ASIP: variants seen among roughly 807,000 people sequenced by gnomAD.
The protein encoded by ASIP is agouti-signaling protein.
A neutral mutation model predicts 10.3 loss-of-function variants in ASIP; 11 were observed. The ratio of observed to expected loss-of-function variants is 1.07; its 90% CI spans 0.68 to 1.78. ASIP has a LOEUF of 1.78. Ranked by LOEUF, ASIP falls within the 40% of genes most tolerant of loss-of-function variation. The pLI, the probability that ASIP is intolerant of heterozygous loss-of-function variation, is 0.00. For synonymous variants in ASIP, 70 were observed against 70.8 expected (o/e 0.99, Z 0.06); for missense variants, 180 against 169.2 (o/e 1.06, Z -0.35).
chr20:34,254,989 C>T (rs1161672453), intron 1 of ASIP, among the ~76,000 whole-genome samples: 1 of 152,118 alleles, frequency 6.6e-6, no homozygotes, highest in Admixed American at 6.5e-5. Context: ...TAAACTAACC[C>T]CTAGGATTCA....
At chr20:34,200,078 T>C (rs924119479) in intron 1 of ASIP, among the ~76,000 whole-genome samples, 3 of 152,234 alleles carry the variant, frequency 2.0e-5, no homozygotes, top group African/African-American at 7.2e-5. Context: ...ATGTTCAAGC[T>C]TTTCTTTTAA....
intron 3 of ASIP, among the ~76,000 whole-genome samples, chr20:34,264,570 C>T (rs2035752636): frequency 6.6e-6 from 1 of 152,134 alleles, no homozygotes; most frequent in Admixed American, 6.6e-5. Context: ...GAAAAAGTTG[C>T]TTGAATTACT....
upstream of ASIP, chr20:34,194,551 C>A (rs2034842638): frequency 6.6e-6 from 1 of 151,502 alleles, no homozygotes; most frequent in African/African-American, 2.4e-5. Flanking sequence ...AAAGAACCAC[C>A]CAACACGCTT....
intron 1 of ASIP, among the ~76,000 whole-genome samples, chr20:34,206,019 G>C (rs1218602989): frequency 1.3e-5 from 2 of 152,128 alleles, no homozygotes; most frequent in African/African-American, 2.4e-5. Context: ...TTGAGACAGA[G>C]TCTTGCTCTG....
At chr20:34,263,288 G>C (rs1035053169) in intron 3 of ASIP, among the ~76,000 whole-genome samples, 8 of 152,212 alleles carry the variant, frequency 5.3e-5, no homozygotes, top group Admixed American at 3.3e-4. Context: ...TCTTAGGCCG[G>C]ATGCGGTGGC....
intron 1 of ASIP, among the ~76,000 whole-genome samples, chr20:34,199,674 A>G (rs2034880566): frequency 6.6e-6 from 1 of 152,112 alleles, no homozygotes; most frequent in Admixed American, 6.6e-5. Context: ...TGACATTTTT[A>G]TTGACCTATA....
intron 1 of ASIP, among the ~76,000 whole-genome samples, chr20:34,198,056 A>ATTT (rs35269112): frequency 2.3e-5 from 3 of 132,366 alleles, no homozygotes; most frequent in Non-Finnish European, 4.8e-5. Context: ...TGATTGCTTA[A>ATTT]TTTTTTTTTT....
chr20:34,269,182 G>C lies in ASIP; in HGVS notation c.*15G>C, dbSNP rs1459661018. Reference sequence around the variant, plus strand: ...TCAACTGCTGAGCGCCCCCACTCCCGGCCGCGAGCAGGCAGGGCTTCGGGG... The same window carrying C: ...TCAACTGCTGAGCGCCCCCACTCCCCGCCGCGAGCAGGCAGGGCTTCGGGG... On this transcript the variant is annotated 3_prime_UTR_variant, in exon 4 of 4. Transcript: ENST00000374954. The C allele has an allele frequency of 4.7e-6, 7 of 1,488,498 alleles. No homozygotes were observed. The highest frequency in any genetic ancestry group is 3.6e-6 in the Non-Finnish European group (4 of 1,118,770). The allele number at this position is 1,488,498 out of a possible 1,614,324, so 92.2% of individuals were successfully genotyped here. A position where few individuals can be genotyped will look rare whatever the true frequency, so the allele number is the denominator to read the frequency against.
At chr20:34,200,092 T>G (rs2034882937) in intron 1 of ASIP, among the ~76,000 whole-genome samples, 1 of 152,250 alleles carries the variant, frequency 6.6e-6, no homozygotes, top group Non-Finnish European at 1.5e-5. Flanking sequence ...CTTTTAAGAT[T>G]AGTGCCTTTT....
the ASIP span, among the ~76,000 whole-genome samples, chr20:34,188,857 C>T: frequency 6.6e-6 from 1 of 152,084 alleles, no homozygotes; most frequent in Non-Finnish European, 1.5e-5. Flanking sequence ...TATTTGTGAC[C>T]CATTCCTGCC....
chr20:34,206,657 C>A (rs943375888), intron 1 of ASIP, among the ~76,000 whole-genome samples: 3 of 152,196 alleles, frequency 2.0e-5, no homozygotes, highest in Non-Finnish European at 4.4e-5. Context: ...TGGCTCACTG[C>A]AATCTCCGCC....
chr20:34,249,291 C>T (rs551850696), intron 1 of ASIP, among the ~76,000 whole-genome samples: 22 of 152,132 alleles, frequency 1.4e-4, no homozygotes, highest in Admixed American at 9.8e-4. Context: ...ACTCCCCAAA[C>T]GCATTCCCAT....
chr20:34,227,650 A>AT (rs1344877690), intron 1 of ASIP, among the ~76,000 whole-genome samples: 1 of 150,380 alleles, frequency 6.6e-6, no homozygotes, highest in African/African-American at 2.5e-5. Flanking sequence ...AAAAAAAGAG[A>AT]TATACCATAT....
At chr20:34,255,138 C>A (rs1185097667) in intron 1 of ASIP, among the ~76,000 whole-genome samples, 2 of 152,110 alleles carry the variant, frequency 1.3e-5, no homozygotes, top group Non-Finnish European at 2.9e-5. Context: ...GTGTTCAGAG[C>A]AAGTGATCAC....
intron 1 of ASIP, among the ~76,000 whole-genome samples, chr20:34,251,360 T>A (rs2035473160): frequency 6.6e-6 from 1 of 151,682 alleles, no homozygotes; most frequent in African/African-American, 2.4e-5. Flanking sequence ...AACCTCCACC[T>A]CCCCGGTTCA....
intron 1 of ASIP, among the ~76,000 whole-genome samples, chr20:34,195,778 C>A (rs2034851147): frequency 6.6e-6 from 1 of 152,112 alleles, no homozygotes; most frequent in Non-Finnish European, 1.5e-5. Flanking sequence ...AAAATTGAGA[C>A]AATTACCTTT....
At chr20:34,268,831 G>A (rs531698061) in intron 3 of ASIP, among the ~76,000 whole-genome samples, 160 bp from the exon 4 acceptor site, 5 of 152,268 alleles carry the variant, frequency 3.3e-5, no homozygotes, top group Admixed American at 3.3e-4. Flanking sequence ...GGGGATGGAG[G>A]TGAGGGAATC....
intron 1 of ASIP, among the ~76,000 whole-genome samples, chr20:34,241,857 A>G (rs941090570): frequency 6.6e-6 from 1 of 152,354 alleles, no homozygotes; most frequent in Admixed American, 6.5e-5. Flanking sequence ...CAGATTTCTA[A>G]TAACTCTTAC....
chr20:34,205,987 G>A (rs1041821675), intron 1 of ASIP, among the ~76,000 whole-genome samples: 1 of 151,982 alleles, frequency 6.6e-6, no homozygotes, highest in Non-Finnish European at 1.5e-5. Flanking sequence ...TATTCTAATT[G>A]TATTTTGTTT....
Sources: gnomAD v4.1 joint callset for allele counts (sites outside exome capture counted in the v4.1 genomes callset) on GRCh38, gnomAD v4.1.1 for gene constraint, MANE v1.5 for transcripts, NCBI Gene and HGNC (gene_info 2026-07-23, HGNC 2026-07-21) for gene names.